The following KIAA1217 variants were observed in gnomAD, a reference collection of about 807,000 sequenced individuals.
KIAA1217 encodes KIAA1217.
Under a neutral mutation model 163.9 loss-of-function variants are expected in KIAA1217, and 88 were observed. That is an observed-to-expected ratio of 0.54 (90% CI 0.45 to 0.64). KIAA1217 has a LOEUF of 0.64. KIAA1217 is among the 30% of genes least tolerant of loss of function. The pLI, the probability that KIAA1217 is intolerant of heterozygous loss-of-function variation, is 0.00. For missense variants in KIAA1217, 2,372 were observed against 2,475.0 expected (o/e 0.96, Z 0.88); for synonymous variants, 903 against 923.1 (o/e 0.98, Z 0.39).
At chr10:24,052,451 A>C (rs1361241565) in intron 2 of KIAA1217, among the ~76,000 whole-genome samples, 1 of 152,178 alleles carries the variant, frequency 6.6e-6, no homozygotes, top group Non-Finnish European at 1.5e-5. Flanking sequence ...ACTTTAGATC[A>C]ATGTCCCAGG....
intron 8 of KIAA1217, among the ~76,000 whole-genome samples, chr10:24,496,019 G>C (rs533062377): frequency 6.6e-6 from 1 of 152,206 alleles, no homozygotes; most frequent in African/African-American, 2.4e-5. Context: ...CCCTCTCATC[G>C]GGTTAGAAAT....
At chr10:24,309,347 C>CGT (rs1471667300) in intron 2 of KIAA1217, among the ~76,000 whole-genome samples, 8 of 132,362 alleles carry the variant, frequency 6.0e-5, no homozygotes, top group East Asian at 5.5e-4. Flanking sequence ...CGCACGCGCG[C>CGT]GCGCACACAC....
chr10:24,096,190 C>T (rs1457747466), intron 2 of KIAA1217, among the ~76,000 whole-genome samples: 1 of 152,222 alleles, frequency 6.6e-6, no homozygotes, highest in East Asian at 1.9e-4. Flanking sequence ...GTTCCCAACT[C>T]CTTAAAGGTG....
chr10:24,188,877 G>A lies in KIAA1217; in HGVS notation c.-170-30749G>A, dbSNP rs574158743. ...TCCCAGCACTTTGGGAGGCCGAGGC[G>A]GGCAGATCGCGGGGTCAGGAGATCG... On this transcript the variant is annotated intron_variant, in intron 2 of 18. Coordinates refer to the KIAA1217 transcript ENST00000376462. Among the ~76,000 whole-genome samples, 295 of 152,140 alleles carry A rather than the reference G, an allele frequency of 1.9e-3. 1 individual carries two copies. Among genetic ancestry groups the A allele is most frequent in the African/African-American group, 6.3e-3 (263 of 41,522 alleles).
intron 2 of KIAA1217, among the ~76,000 whole-genome samples, chr10:24,119,570 A>G (rs1051158024): frequency 3.9e-5 from 6 of 152,212 alleles, no homozygotes; most frequent in Admixed American, 1.3e-4. Flanking sequence ...AAGCCTCCTC[A>G]GAACTCCAGG....
intron 1 of KIAA1217, among the ~76,000 whole-genome samples, chr10:23,772,554 G>A (rs1162324658): frequency 1.3e-5 from 2 of 152,148 alleles, no homozygotes; most frequent in Non-Finnish European, 2.9e-5. Flanking sequence ...AGTTTGGTAG[G>A]AAGGTACTGT....
chr10:24,191,452 A>G (rs568406336), intron 2 of KIAA1217, among the ~76,000 whole-genome samples: 1 of 152,140 alleles, frequency 6.6e-6, no homozygotes, highest in South Asian at 2.1e-4. Flanking sequence ...ATTTGTGTAA[A>G]TGCATTGTTT....
chr10:23,912,198 G>T lies in KIAA1217; in HGVS notation c.-320-95027G>T, dbSNP rs536335965. Among the ~76,000 whole-genome samples, 10 of 152,192 alleles carry T rather than the reference G, an allele frequency of 6.6e-5. No homozygotes were observed. The South Asian group carries it at 2.1e-3, about 32-fold the overall frequency. On this transcript the variant is annotated intron_variant, in intron 1 of 18. Transcript: ENST00000376462. The stretch of plus-strand genomic sequence containing the variant: ...GAGGCAAAGGTTTCCAGTGGATTAG[G>T]CCTCCAATTCTTAGCCTTCTAGAGC...
chr10:23,822,434 A>G (rs1000753460), intron 1 of KIAA1217, among the ~76,000 whole-genome samples: 5 of 152,214 alleles, frequency 3.3e-5, no homozygotes, highest in African/African-American at 1.2e-4. Context: ...AATTTGTGCC[A>G]ATAGGGAGCA....
chr10:24,133,984 A>G (rs1014518853), intron 2 of KIAA1217, among the ~76,000 whole-genome samples: 20 of 152,240 alleles, frequency 1.3e-4, no homozygotes, highest in African/African-American at 4.8e-4. Flanking sequence ...CAAAAGCAAC[A>G]TTCTTTTATG....
intron 2 of KIAA1217, among the ~76,000 whole-genome samples, chr10:24,253,634 AG>A (rs1020785044): frequency 1.3e-5 from 2 of 152,110 alleles, no homozygotes; most frequent in African/African-American, 4.8e-5. Context: ...CAGGAGGCTG[AG>A]GCAGAAGAAT....
At chr10:23,751,237 A>G (rs1220232937) in intron 1 of KIAA1217, among the ~76,000 whole-genome samples, 1 of 152,072 alleles carries the variant, frequency 6.6e-6, no homozygotes, top group Admixed American at 6.5e-5. Context: ...CATGTTGCCC[A>G]GGTTGGTCTC....
intron 1 of KIAA1217, among the ~76,000 whole-genome samples, chr10:23,983,918 A>G (rs1315256955): frequency 6.6e-6 from 1 of 152,180 alleles, no homozygotes; most frequent in Middle Eastern, 3.2e-3. Context: ...CTTATGCCCA[A>G]TGCCCACACA....
chr10:24,398,866 A>G (rs570119762), intron 3 of KIAA1217, among the ~76,000 whole-genome samples: 10 of 152,206 alleles, frequency 6.6e-5, no homozygotes, highest in South Asian at 2.1e-4. Flanking sequence ...TAGTGGCCCA[A>G]TTTCTGAGCT....
intron 2 of KIAA1217, among the ~76,000 whole-genome samples, chr10:24,022,084 GA>G (rs753055163): frequency 6.6e-6 from 1 of 151,190 alleles, no homozygotes; most frequent in East Asian, 1.9e-4. Context: ...GACTCTGAAA[GA>G]AAAAAACTGA....
chr10:23,925,732 A>G (rs1042432316), intron 1 of KIAA1217, among the ~76,000 whole-genome samples: 1 of 152,162 alleles, frequency 6.6e-6, no homozygotes, highest in Non-Finnish European at 1.5e-5. Flanking sequence ...GTGACTGTAG[A>G]CAGACTGGAT....
chr10:24,277,773 T>C (rs1040245510), intron 2 of KIAA1217, among the ~76,000 whole-genome samples: 1 of 152,208 alleles, frequency 6.6e-6, no homozygotes, highest in Non-Finnish European at 1.5e-5. Context: ...ATTAAACCTC[T>C]TTCCTTTATA....
intron 3 of KIAA1217, among the ~76,000 whole-genome samples, chr10:24,386,820 C>T (rs557889988): frequency 2.6e-5 from 4 of 152,274 alleles, no homozygotes; most frequent in African/African-American, 9.6e-5. Flanking sequence ...CTCAAGTGAT[C>T]CTCCCACATT....
intron 1 of KIAA1217, among the ~76,000 whole-genome samples, chr10:23,787,203 C>T (rs998610313): frequency 2.0e-5 from 3 of 152,060 alleles, no homozygotes; most frequent in Non-Finnish European, 4.4e-5. Context: ...CACATTGATC[C>T]TCTGGGGTGA....
Sources: gnomAD v4.1 joint callset for allele counts (sites outside exome capture counted in the v4.1 genomes callset) on GRCh38, gnomAD v4.1.1 for gene constraint, MANE v1.5 for transcripts, NCBI Gene and HGNC (gene_info 2026-07-23, HGNC 2026-07-21) for gene names.